The following TRIO variants were observed in gnomAD, a reference collection of about 807,000 sequenced individuals.
TRIO encodes the protein trio Rho guanine nucleotide exchange factor, also known as triple functional domain protein.
A neutral mutation model predicts 351.9 loss-of-function variants in TRIO; 58 were observed. The ratio of observed to expected loss-of-function variants is 0.16; its 90% CI spans 0.13 to 0.21. The LOEUF (loss-of-function observed/expected upper bound fraction) is 0.21. TRIO is among the 10% of genes least tolerant of loss of function. The pLI is 1.00. For synonymous variants in TRIO, 1,758 were observed against 1,595.7 expected, an observed-to-expected ratio of 1.10 and a Z score of -2.42; for missense variants, 3,201 against 4,027.8, an observed-to-expected ratio of 0.79 and a Z score of 5.56.
At chr5:14,202,560 T>G (rs1581341369) in intron 1 of TRIO, among the ~76,000 whole-genome samples, 1 of 151,896 alleles carries the variant, frequency 6.6e-6, no homozygotes, top group Admixed American at 6.6e-5. Flanking sequence ...GCTCTCATAA[T>G]TCCCACATGT....
intron 9 of TRIO, 100 bp from the exon 10 acceptor site, chr5:14,330,678 C>CA: frequency 7.3e-7 from 1 of 1,367,904 alleles, no homozygotes; most frequent in Non-Finnish European, 9.6e-7. Flanking sequence ...TTGTTTCTTA[C>CA]AGAGTTTTAA....
chr5:14,240,665 T>TG (rs1346880961), intron 1 of TRIO, among the ~76,000 whole-genome samples: 2 of 152,230 alleles, frequency 1.3e-5, no homozygotes, highest in Admixed American at 6.5e-5. Flanking sequence ...TCAGAAGACT[T>TG]GCTGCCTTCT....
chr5:14,249,558 T>C (rs953628795), intron 1 of TRIO, among the ~76,000 whole-genome samples: 1 of 152,220 alleles, frequency 6.6e-6, no homozygotes, highest in Non-Finnish European at 1.5e-5. Flanking sequence ...AAGCAGCTGG[T>C]CCGACCCCTT....
At position 14,497,934 on chromosome 5, in the gene TRIO, T is replaced by G; in HGVS notation, c.8047+60T>G. On this transcript the variant is annotated intron_variant, in intron 51 of 56. Transcript: ENST00000344204. The surrounding 1 kb of genome is among the most constrained non-coding windows in gnomAD (Gnocchi z 4.4). ...TGATTCTAGACCTGTGGGGCATGTT[T>G]CAGAGCACTTGAGTGTGGCCTCTGG... 1 of 1,612,830 alleles carries G rather than the reference T, an allele frequency of 6.2e-7. No individual in the cohort carries two copies. Among genetic ancestry groups the G allele is most frequent in the African/African-American group, 1.3e-5 (1 of 74,992 alleles).
At chr5:14,446,594 C>T (rs1752459593) in intron 34 of TRIO, among the ~76,000 whole-genome samples, 1 of 152,022 alleles carries the variant, frequency 6.6e-6, no homozygotes, top group African/African-American at 2.4e-5. Context: ...GTAGATGGTA[C>T]CTGTGGGGTG....
chr5:14,337,176 C>T (rs1362425227), intron 11 of TRIO, among the ~76,000 whole-genome samples: 4 of 152,164 alleles, frequency 2.6e-5, no homozygotes, highest in Middle Eastern at 3.4e-3. Context: ...CAACCTGGTA[C>T]GAATAATATT....
chr5:14,403,025 TGTGGTG>T (rs1212635987), intron 31 of TRIO, among the ~76,000 whole-genome samples: 1 of 143,498 alleles, frequency 7.0e-6, no homozygotes, highest in African/African-American at 2.6e-5. Flanking sequence ...GGGTACAGGT[TGTGGTG>T]GTGAAGGTGC....
chr5:14,387,675 C>G (rs370898247), intron 22 of TRIO, 43 bp downstream of exon 22: 3 of 1,609,284 alleles, frequency 1.9e-6, no homozygotes, highest in African/African-American at 2.7e-5. Flanking sequence ...GGTCTTCTTC[C>G]TAACGCCCTC....
chr5:14,408,328 AT>A (rs1236620822), intron 33 of TRIO, among the ~76,000 whole-genome samples: 2 of 151,992 alleles, frequency 1.3e-5, no homozygotes, highest in African/African-American at 4.8e-5. Flanking sequence ...AAGTGATTAG[AT>A]TTTTTTTCTC....
chr5:14,401,413 C>T (rs769198587), intron 31 of TRIO, among the ~76,000 whole-genome samples: 44 of 152,160 alleles, frequency 2.9e-4, no homozygotes, highest in Non-Finnish European at 5.6e-4. Flanking sequence ...ACTCTGATTG[C>T]GCACTTGACC....
chr5:14,353,701 C>T (rs1234194484), intron 11 of TRIO, among the ~76,000 whole-genome samples: 1 of 152,120 alleles, frequency 6.6e-6, no homozygotes, highest in Non-Finnish European at 1.5e-5. Context: ...TCTGGCTTTG[C>T]AACCTACACT....
chr5:14,463,392 G>A (rs1170439020), intron 36 of TRIO, among the ~76,000 whole-genome samples: 2 of 152,186 alleles, frequency 1.3e-5, no homozygotes, highest in South Asian at 2.1e-4. Context: ...CAACATGCCA[G>A]ACATTAGTTT....
At chr5:14,248,410 T>C (rs1385390463) in intron 1 of TRIO, among the ~76,000 whole-genome samples, 1 of 152,186 alleles carries the variant, frequency 6.6e-6, no homozygotes, top group South Asian at 2.1e-4. Flanking sequence ...TAAAGTGACA[T>C]TGAGTAGATT....
At chr5:14,475,302 G>A (rs1051327558) in intron 40 of TRIO, among the ~76,000 whole-genome samples, 3 of 152,134 alleles carry the variant, frequency 2.0e-5, no homozygotes, top group African/African-American at 7.2e-5. Context: ...TCTGCTCAGG[G>A]TGGAGCACGA....
intron 1 of TRIO, among the ~76,000 whole-genome samples, chr5:14,246,520 C>T (rs1794446020): frequency 6.6e-6 from 1 of 152,172 alleles, no homozygotes; most frequent in Non-Finnish European, 1.5e-5. Context: ...GATATTGGAA[C>T]AGTCAGTGCT....
intron 8 of TRIO, among the ~76,000 whole-genome samples, chr5:14,306,592 G>C (rs1177613389): frequency 6.6e-6 from 1 of 152,250 alleles, no homozygotes; most frequent in Non-Finnish European, 1.5e-5. Flanking sequence ...TGAATGCAGT[G>C]GTGGGCTTGC....
intron 1 of TRIO, among the ~76,000 whole-genome samples, chr5:14,162,095 A>G (rs1307594173): frequency 6.6e-6 from 1 of 152,178 alleles, no homozygotes; most frequent in Admixed American, 6.5e-5. Context: ...GTTGTGGGTT[A>G]TGGAATCACG....
Position 14,157,543 on chromosome 5 carries a change from C to G in TRIO, c.157+13661C>G, listed in dbSNP as rs1428686338. 1.3e-4 allele frequency among the ~76,000 whole-genome samples: 20 copies of G among 149,388 alleles called. 2 individuals are homozygous for G. In the East Asian group the frequency reaches 3.7e-3, roughly 28 times the overall value. On this transcript the variant is annotated intron_variant, in intron 1 of 56. Coordinates refer to ENST00000344204, the MANE Select transcript of TRIO (RefSeq NM_007118.4). ...TCTCTCCCTGTCTCCCTCTCTCTCCCTGTCTCTCTCTCTCTCCCTGTCTCT... is the reference window on the plus strand; with the variant it reads ...TCTCTCCCTGTCTCCCTCTCTCTCCGTGTCTCTCTCTCTCTCCCTGTCTCT...
intron 31 of TRIO, among the ~76,000 whole-genome samples, chr5:14,401,675 CTGTTT>C (rs1201025989): frequency 6.6e-6 from 1 of 152,184 alleles, no homozygotes; most frequent in African/African-American, 2.4e-5. Flanking sequence ...GATTTGAACT[CTGTTT>C]TGATTATACT....
Sources: gnomAD v4.1 joint callset for allele counts (sites outside exome capture counted in the v4.1 genomes callset) on GRCh38, gnomAD v4.1.1 for gene constraint, Gnocchi (gnomAD v3.1) non-coding constraint, MANE v1.5 for transcripts, NCBI Gene and HGNC (gene_info 2026-07-23, HGNC 2026-07-21) for gene names.